KRTAP3-3: variants seen among roughly 807,000 people sequenced by gnomAD.
KRTAP3-3 encodes keratin-associated protein 3-3.
Under a neutral mutation model 5.7 loss-of-function variants are expected in KRTAP3-3, and 8 were observed. That is an observed-to-expected ratio of 1.40 (90% CI 0.82 to 2.52). The LOEUF (loss-of-function observed/expected upper bound fraction) is 2.52. Among genes scored for constraint, KRTAP3-3 ranks in the 30% most tolerant of loss-of-function variants. The probability of loss-of-function intolerance (pLI) is 0.00; values close to 1 mark genes in which losing one functional copy is unlikely to be tolerated. For missense variants in KRTAP3-3, 98 were observed against 121.5 expected (o/e 0.81, Z 0.91); for synonymous variants, 49 against 47.0 (o/e 1.04, Z -0.17).
In KRTAP3-3 at chr17:40,993,697, A is replaced by G. The variant is rs776420685; in HGVS notation, c.*104T>C. The G allele has an allele frequency of 8.7e-6, 13 of 1,492,528 alleles. No individual in the cohort carries two copies. Among genetic ancestry groups the G allele is most frequent in the South Asian group, 2.7e-5 (2 of 73,788 alleles). The allele number at this position is 1,492,528 out of a possible 1,614,324, so 92.5% of individuals were successfully genotyped here. Reference sequence around the variant, plus strand: ...TTGTGGTAGTACCATCCTTGTTCCAATTTCTAAAGCAGAGTACATTAGTTG... The same window carrying G: ...TTGTGGTAGTACCATCCTTGTTCCAGTTTCTAAAGCAGAGTACATTAGTTG... On this transcript the variant is annotated 3_prime_UTR_variant, in exon 1 of 1. Transcript: ENST00000391586.
rs1297262096 is a variant in KRTAP3-3 at position 40,993,538 on chromosome 17, A to G, written c.*263T>C. On this transcript the variant is annotated 3_prime_UTR_variant, in exon 1 of 1. Transcript: ENST00000391586. ...AAAACAGAATTCCCAAACCACCCAC[A>G]GAAAGAGACACTTTAATATGAAGGA... 4.1e-6 allele frequency: 2 copies of G among 485,452 alleles called. No homozygotes were observed. The highest frequency in any genetic ancestry group is 7.1e-6 in the Non-Finnish European group (2 of 281,474). 30.1% of individuals were successfully genotyped at this position (485,452 alleles called of 1,614,324 possible). A position where few individuals can be genotyped will look rare whatever the true frequency, so the allele number is the denominator to read the frequency against.
Position 40,993,668 on chromosome 17 carries a change from G to A in KRTAP3-3, c.*133C>T, listed in dbSNP as rs963905491. Reference sequence around the variant, plus strand: ...CTTGGTCTCTTTTTTTTTGCAGGGGGTGATTGTGGTAGTACCATCCTTGTT... The same window carrying A: ...CTTGGTCTCTTTTTTTTTGCAGGGGATGATTGTGGTAGTACCATCCTTGTT... On this transcript the variant is annotated 3_prime_UTR_variant, in exon 1 of 1. Transcript: ENST00000391586. The A allele has an allele frequency of 3.8e-6, 5 of 1,332,298 alleles. No individual in the cohort carries two copies. In the African/African-American group the frequency reaches 4.4e-5, roughly 12 times the overall value. 82.5% of individuals were successfully genotyped at this position (1,332,298 alleles called of 1,614,324 possible).
rs1483285251 is a variant in KRTAP3-3, at chr17:40,993,549, CT to C, written c.*251del. ...CCCAAACCACCCACAGAAAGAGACA[CT>C]TTAATATGAAGGAATCGAACAGCTT... is the stretch of plus-strand genomic sequence containing the variant. On this transcript the variant is annotated 3_prime_UTR_variant, in exon 1 of 1. Transcript: ENST00000391586. The C allele has an allele frequency of 3.8e-5, 20 of 525,056 alleles. No homozygotes were observed. In the Admixed American group the frequency reaches 7.1e-4, roughly 19 times the overall value. The allele number at this position is 525,056 out of a possible 1,614,324, so 32.5% of individuals were successfully genotyped here.
rs896206969 is a variant in KRTAP3-3 at position 40,993,544 on chromosome 17, A to G, written c.*257T>C. On this transcript the variant is annotated 3_prime_UTR_variant, in exon 1 of 1. Coordinates refer to ENST00000391586, the MANE Select transcript of KRTAP3-3 (RefSeq NM_033185.3). ...GAATTCCCAAACCACCCACAGAAAG[A>G]GACACTTTAATATGAAGGAATCGAA... The G allele has an allele frequency of 6.0e-6, 3 of 501,770 alleles. No individual in the cohort carries two copies. The South Asian group carries it at 1.3e-4, about 22-fold the overall frequency. 31.1% of individuals were successfully genotyped at this position (501,770 alleles called of 1,614,324 possible).
At position 40,993,676 on chromosome 17, in the gene KRTAP3-3, G is replaced by T; in HGVS notation, c.*125C>A. 7.2e-7 allele frequency: 1 copy of T among 1,381,950 alleles called. No individual in the cohort carries two copies. Among genetic ancestry groups the T allele is most frequent in the Non-Finnish European group, 9.8e-7 (1 of 1,025,100 alleles). 85.6% of individuals were successfully genotyped at this position (1,381,950 alleles called of 1,614,324 possible). A position where few individuals can be genotyped will look rare whatever the true frequency, so the allele number is the denominator to read the frequency against. Reference sequence around the variant, plus strand: ...CTTTTTTTTTGCAGGGGGTGATTGTGGTAGTACCATCCTTGTTCCAATTTC... The same window carrying T: ...CTTTTTTTTTGCAGGGGGTGATTGTTGTAGTACCATCCTTGTTCCAATTTC... On this transcript the variant is annotated 3_prime_UTR_variant, in exon 1 of 1. Coordinates refer to ENST00000391586, the MANE Select transcript of KRTAP3-3 (RefSeq NM_033185.3).
Position 40,993,887 on chromosome 17 carries a change from A to T in KRTAP3-3, c.211T>A (p.Cys71Ser). ...CVPTCFLLNS[C>S]QPTPGLETLN... ...GTCTCCAGGCCTGGAGTTGGCTGGC[A>T]GGAGTTGAGCAGGAAGCAGGTGGGC... is the stretch of plus-strand genomic sequence containing the variant. Residue 71 changes from cysteine (C) to serine (S), a missense_variant, in exon 1 of 1, where the codon TGC becomes AGC. Coordinates refer to ENST00000391586, the MANE Select transcript of KRTAP3-3 (RefSeq NM_033185.3). 6.2e-7 allele frequency: 1 copy of T among 1,614,076 alleles called. No homozygotes were observed. The highest frequency in any genetic ancestry group is 8.5e-7 in the Non-Finnish European group (1 of 1,179,936).
chr17:40,994,109 T>A lies in KRTAP3-3; in HGVS notation c.-12A>T, dbSNP rs138752938. ...GCACAGCAATCCATGGCTATTAGAG[T>A]CTGTGGTATTTATGGGTTTGATTGA... On this transcript the variant is annotated 5_prime_UTR_variant, in exon 1 of 1. Coordinates refer to ENST00000391586, the MANE Select transcript of KRTAP3-3 (RefSeq NM_033185.3). 2,160 of 1,613,368 alleles carry A rather than the reference T, an allele frequency of 1.3e-3. 9 individuals carry two copies. Among genetic ancestry groups the A allele is most frequent in the African/African-American group, 1.0e-2 (747 of 74,910 alleles).
Position 40,993,804 on chromosome 17 carries a change from G to A in KRTAP3-3, c.294C>T (p.Cys98=), listed in dbSNP as rs368048780. 5.5e-5 allele frequency: 89 copies of A among 1,613,660 alleles called. No individual in the cohort carries two copies. Among genetic ancestry groups the A allele is most frequent in the Non-Finnish European group, 7.3e-5 (86 of 1,179,682 alleles). ...PCCEPCLPRG[C] Reference sequence around the variant, plus strand: ...CACTGAGCAAAGTAGCCATCCATTAGCAGCCTCTTGGGAGGCAGGGCTCAC... The same window carrying A: ...CACTGAGCAAAGTAGCCATCCATTAACAGCCTCTTGGGAGGCAGGGCTCAC... Residue 98 remains cysteine, a synonymous_variant, in exon 1 of 1, where the codon TGC becomes TGT. Coordinates refer to ENST00000391586, the MANE Select transcript of KRTAP3-3 (RefSeq NM_033185.3).
Position 40,993,793 on chromosome 17 carries a change from G to C in KRTAP3-3, c.*8C>G. On this transcript the variant is annotated 3_prime_UTR_variant, in exon 1 of 1. Transcript: ENST00000391586. ...TCAATCTCAGGCACTGAGCAAAGTA[G>C]CCATCCATTAGCAGCCTCTTGGGAG... 6.2e-7 allele frequency: 1 copy of C among 1,613,368 alleles called. No homozygotes were observed. Among genetic ancestry groups the C allele is most frequent in the Non-Finnish European group, 8.5e-7 (1 of 1,179,362 alleles).
Position 40,993,756 on chromosome 17 carries a change from A to C in KRTAP3-3, c.*45T>G. The C allele has an allele frequency of 6.2e-7, 1 of 1,600,168 alleles. No homozygotes were observed. The highest frequency in any genetic ancestry group is 8.5e-7 in the Non-Finnish European group (1 of 1,171,550). The stretch of plus-strand genomic sequence containing the variant: ...GAGATAGGTGAATGCTAAAGCTTCT[A>C]TGTTGACTTTTTCAATCTCAGGCAC... On this transcript the variant is annotated 3_prime_UTR_variant, in exon 1 of 1. Transcript: ENST00000391586.
In KRTAP3-3 at chr17:40,993,980, C is replaced by T. The variant is rs201148220; in HGVS notation, c.118G>A (p.Val40Ile). The T allele has an allele frequency of 2.1e-4, 332 of 1,614,146 alleles. 2 individuals carry two copies. The East Asian group carries it at 4.3e-3, about 21-fold the overall frequency. ...CAGCAGGTGGGCTCCAGTAACCAAA[C>T]TGTGTGTGGGCAGGTGCTGGGCAGG... is the stretch of plus-strand genomic sequence containing the variant. ...VCLPSTCPHT[V>I]WLLEPTCCDN... Residue 40 changes from valine (V) to isoleucine (I), a missense_variant, in exon 1 of 1, where the codon GTT (valine) becomes ATT (isoleucine). Physicochemically the swap from Val to Ile is conservative, Grantham distance 29 (BLOSUM62 3). Transcript: ENST00000391586.
Position 40,993,856 on chromosome 17 carries a change from T to C in KRTAP3-3, c.242A>G (p.Asn81Ser). 6.2e-7 allele frequency: 1 copy of C among 1,613,832 alleles called. No homozygotes were observed. Among genetic ancestry groups the C allele is most frequent in the Non-Finnish European group, 8.5e-7 (1 of 1,179,958 alleles). ...GCAGGGCTGAGTGAAGGTGGTGAGG[T>C]TGAGGGTCTCCAGGCCTGGAGTTGG... ...CQPTPGLETL[N>S]LTTFTQPCCE... Residue 81 changes from asparagine to serine, a missense_variant, in exon 1 of 1, where the codon AAC (asparagine) becomes AGC (serine). Transcript: ENST00000391586.
In KRTAP3-3 at chr17:40,993,780, A is replaced by G. The variant is rs1354093149; in HGVS notation, c.*21T>C. ...TATGTTGACTTTTTCAATCTCAGGC[A>G]CTGAGCAAAGTAGCCATCCATTAGC... On this transcript the variant is annotated 3_prime_UTR_variant, in exon 1 of 1. Coordinates refer to ENST00000391586, the MANE Select transcript of KRTAP3-3 (RefSeq NM_033185.3). 1 of 1,611,786 alleles carries G rather than the reference A, an allele frequency of 6.2e-7. No homozygotes were observed. Among genetic ancestry groups the G allele is most frequent in the South Asian group, 1.1e-5 (1 of 90,914 alleles).
rs1465882363 is a variant in KRTAP3-3 at position 40,993,547 on chromosome 17, C to T, written c.*254G>A. 2.2e-5 allele frequency: 11 copies of T among 502,092 alleles called. No homozygotes were observed. Among genetic ancestry groups the T allele is most frequent in the Admixed American group, 2.2e-4 (6 of 27,392 alleles). The allele number at this position is 502,092 out of a possible 1,614,324, so 31.1% of individuals were successfully genotyped here. ...TTCCCAAACCACCCACAGAAAGAGA[C>T]ACTTTAATATGAAGGAATCGAACAG... On this transcript the variant is annotated 3_prime_UTR_variant, in exon 1 of 1. Transcript: ENST00000391586.
chr17:40,993,643 C>T lies in KRTAP3-3; in HGVS notation c.*158G>A. On this transcript the variant is annotated 3_prime_UTR_variant, in exon 1 of 1. Transcript: ENST00000391586. ...ATAGCTGAATGGTCATTGAAAGTTT[C>T]TTGGTCTCTTTTTTTTTGCAGGGGG... The T allele has an allele frequency of 8.5e-7, 1 of 1,173,156 alleles. No homozygotes were observed. Among genetic ancestry groups the T allele is most frequent in the Non-Finnish European group, 1.2e-6 (1 of 854,096 alleles). The allele number at this position is 1,173,156 out of a possible 1,614,324, so 72.7% of individuals were successfully genotyped here.
Position 40,993,783 on chromosome 17 carries a change from G to A in KRTAP3-3, c.*18C>T. On this transcript the variant is annotated 3_prime_UTR_variant, in exon 1 of 1. Transcript: ENST00000391586. ...GTTGACTTTTTCAATCTCAGGCACTGAGCAAAGTAGCCATCCATTAGCAGC... is the reference window on the plus strand; with the variant it reads ...GTTGACTTTTTCAATCTCAGGCACTAAGCAAAGTAGCCATCCATTAGCAGC... 1 of 1,612,676 alleles carries A rather than the reference G, an allele frequency of 6.2e-7. No individual in the cohort carries two copies. Among genetic ancestry groups the A allele is most frequent in the Non-Finnish European group, 8.5e-7 (1 of 1,178,866 alleles).
chr17:40,993,805 C>T lies in KRTAP3-3; in HGVS notation c.293G>A (p.Cys98Tyr). The part of the protein sequence containing the change: ...PCCEPCLPRG[C>Y] ...ACTGAGCAAAGTAGCCATCCATTAG[C>T]AGCCTCTTGGGAGGCAGGGCTCACA... The change falls in exon 1 of 1, where the codon TGC becomes TAC. Residue 98 changes from cysteine to tyrosine, a missense_variant. Transcript: ENST00000391586. The T allele has an allele frequency of 6.2e-7, 1 of 1,613,714 alleles. No homozygotes were observed. The highest frequency in any genetic ancestry group is 8.5e-7 in the Non-Finnish European group (1 of 1,179,630).
chr17:40,994,107 A>G lies in KRTAP3-3; in HGVS notation c.-10T>C, dbSNP rs776233918. On this transcript the variant is annotated 5_prime_UTR_variant, in exon 1 of 1. Coordinates refer to ENST00000391586, the MANE Select transcript of KRTAP3-3 (RefSeq NM_033185.3). ...AGGCACAGCAATCCATGGCTATTAG[A>G]GTCTGTGGTATTTATGGGTTTGATT... 1 of 1,612,228 alleles carries G rather than the reference A, an allele frequency of 6.2e-7. No homozygotes were observed. The highest frequency in any genetic ancestry group is 2.2e-5 in the East Asian group (1 of 44,852).
Position 40,993,649 on chromosome 17 carries a change from C to G in KRTAP3-3, c.*152G>C. On this transcript the variant is annotated 3_prime_UTR_variant, in exon 1 of 1. Transcript: ENST00000391586. ...GAATGGTCATTGAAAGTTTCTTGGT[C>G]TCTTTTTTTTTGCAGGGGGTGATTG... 8.2e-7 allele frequency: 1 copy of G among 1,225,606 alleles called. No individual in the cohort carries two copies. The allele number at this position is 1,225,606 out of a possible 1,614,324, so 75.9% of individuals were successfully genotyped here. A position where few individuals can be genotyped will look rare whatever the true frequency, so the allele number is the denominator to read the frequency against.
Sources: allele counts gnomAD v4.1 joint callset, GRCh38; gene constraint gnomAD v4.1.1; transcripts MANE v1.5; gene names NCBI Gene and HGNC (gene_info 2026-07-23, HGNC 2026-07-21).